The following PPEF1 variants were observed in gnomAD, a reference collection of about 807,000 sequenced individuals.
The protein encoded by PPEF1 is serine/threonine-protein phosphatase with EF-hands 1.
A neutral mutation model predicts 53.3 loss-of-function variants in PPEF1; 12 were observed. That is an observed-to-expected ratio of 0.23 (90% CI 0.14 to 0.36). PPEF1 has a LOEUF of 0.36. Ranked by LOEUF, PPEF1 falls within the 10% of genes least tolerant of loss-of-function variation. The pLI is 1.00. For synonymous variants in PPEF1, 165 were observed against 176.7 expected (o/e 0.93, Z 0.52); for missense variants, 334 against 490.4 (o/e 0.68, Z 3.01).
chrX:18,756,211 G>T (rs369326955), intron 4 of PPEF1, among the ~76,000 whole-genome samples: 2 of 109,553 alleles, frequency 1.8e-5, no homozygotes, highest in African/African-American at 6.7e-5. Context: ...ATAGAGTCTC[G>T]CTCTGTTGCC....
chrX:18,707,686 G>T lies in PPEF1; in HGVS notation c.-95G>T. ...TCTATGACTGAAGAGGATCGGCTAA[G>T]AGTGGTTCCTCGCAGCTTAAAGGGA... is the stretch of plus-strand genomic sequence containing the variant. On this transcript the variant is annotated 5_prime_UTR_variant, in exon 1 of 16. Transcript: ENST00000470157. The T allele has an allele frequency of 1.3e-6, 1 of 794,331 alleles. No individual in the cohort carries two copies. Among genetic ancestry groups the T allele is most frequent in the Non-Finnish European group, 1.9e-6 (1 of 525,171 alleles). 65.5% of individuals were successfully genotyped at this position (794,331 alleles called of 1,213,427 possible). A position where few individuals can be genotyped will look rare whatever the true frequency, so the allele number is the denominator to read the frequency against.
intron 1 of PPEF1, among the ~76,000 whole-genome samples, chrX:18,721,404 T>C (rs2044586634): frequency 8.9e-6 from 1 of 112,054 alleles, no homozygotes; most frequent in African/African-American, 3.2e-5. Context: ...CAGAAGTTTC[T>C]GGTTTGAGTG....
chrX:18,804,720 G>T (rs911279557), intron 11 of PPEF1, among the ~76,000 whole-genome samples: 1 of 112,200 alleles, frequency 8.9e-6, no homozygotes, highest in African/African-American at 3.2e-5. Context: ...CTCACAGAGC[G>T]CATAAAAGGC....
At chrX:18,729,151 C>CATA (rs56246981) in intron 1 of PPEF1, among the ~76,000 whole-genome samples, 53,923 of 110,151 alleles carry the variant, frequency 0.49, 9,944 homozygotes, top group Non-Finnish European at 0.56. Context: ...CTAAACTCTT[C>CATA]CCCTTGTAAC....
chrX:18,718,953 T>C (rs2044519679), intron 1 of PPEF1, among the ~76,000 whole-genome samples: 1 of 112,301 alleles, frequency 8.9e-6, no homozygotes, highest in African/African-American at 3.2e-5. Flanking sequence ...TAACACAGAT[T>C]AGTAATTAAT....
At chrX:18,796,331 A>G (rs1468355874) in intron 10 of PPEF1, among the ~76,000 whole-genome samples, 1 of 112,799 alleles carries the variant, frequency 8.9e-6, no homozygotes, top group Admixed American at 9.4e-5. Flanking sequence ...ACTTTTCTTC[A>G]GGTTTCCTGT....
intron 12 of PPEF1, among the ~76,000 whole-genome samples, chrX:18,809,892 T>A (rs1255350395): frequency 1.8e-5 from 2 of 111,359 alleles, no homozygotes; most frequent in African/African-American, 3.3e-5. Context: ...ATATGTGGAA[T>A]CTAAAAAAGC....
At chrX:18,816,984 C>G (rs749787763) in intron 12 of PPEF1, among the ~76,000 whole-genome samples, 1 of 110,764 alleles carries the variant, frequency 9.0e-6, no homozygotes, top group African/African-American at 3.3e-5. Flanking sequence ...TATCCAGTTT[C>G]ACAATCTCTG....
intron 1 of PPEF1, among the ~76,000 whole-genome samples, chrX:18,684,404 A>G (rs1366623883): frequency 9.0e-6 from 1 of 111,058 alleles, no homozygotes; most frequent in East Asian, 2.8e-4. Context: ...AGGCAGGGTG[A>G]TAAGCAAAAA....
intron 4 of PPEF1, among the ~76,000 whole-genome samples, chrX:18,696,193 C>G (rs769359185): frequency 1.8e-4 from 20 of 110,816 alleles, no homozygotes; most frequent in Non-Finnish European, 2.8e-4. Context: ...TCCTCTGTTG[C>G]CTAGGCTGGA....
chrX:18,811,639 A>G lies in PPEF1; in HGVS notation c.1394+5094A>G, dbSNP rs182914766. ...TATTTTTTTTTTTTTTTTTTTTGAG[A>G]CAGGGTCTCACTTTGTTGCCCAGGC... On this transcript the variant is annotated intron_variant, in intron 12 of 15. Transcript: ENST00000470157. 2.1e-3 allele frequency among the ~76,000 whole-genome samples: 186 copies of G among 88,066 alleles called. 8 individuals carry two copies. In the East Asian group the frequency reaches 0.057, roughly 27 times the overall value. 76.5% of individuals were successfully genotyped at this position (88,066 alleles called of 115,157 possible). A position where few individuals can be genotyped will look rare whatever the true frequency, so the allele number is the denominator to read the frequency against.
chrX:18,820,632 G>C (rs1420039768), intron 13 of PPEF1, among the ~76,000 whole-genome samples: 1 of 110,508 alleles, frequency 9.0e-6, no homozygotes, highest in Admixed American at 9.7e-5. Context: ...TGATCCACCC[G>C]CCTTGGCCTC....
chrX:18,747,205 C>T (rs1040906499), intron 3 of PPEF1, among the ~76,000 whole-genome samples: 2 of 111,213 alleles, frequency 1.8e-5, no homozygotes, highest in African/African-American at 6.5e-5. Flanking sequence ...TGCAAGGTCC[C>T]GGGGTGACAT....
chrX:18,822,997 T>C (rs2047094136), intron 13 of PPEF1, among the ~76,000 whole-genome samples: 1 of 111,327 alleles, frequency 9.0e-6, no homozygotes, highest in African/African-American at 3.3e-5. Context: ...TCAAGATCTA[T>C]TATAAAAGTA....
chrX:18,763,376 C>T (rs898841372), intron 6 of PPEF1, among the ~76,000 whole-genome samples: 4 of 111,379 alleles, frequency 3.6e-5, no homozygotes, highest in Admixed American at 9.5e-5. Context: ...CATGCTTTAA[C>T]GCCCAGGAAA....
Position 18,804,000 on chromosome X carries a change from A to G in PPEF1, c.1174A>G (p.Asn392Asp). Residue 392 changes from asparagine (N) to aspartate (D), a missense_variant, in exon 11 of 16, where the codon AAT becomes GAT. Asn to Asp is a conservative substitution (Grantham distance 23). Coordinates refer to ENST00000470157, the MANE Select transcript of PPEF1 (RefSeq NM_001377996.1). Reference protein sequence around the residue: ...FGPDVTSKILNKYQLKMLIRS... With the variant: ...FGPDVTSKILDKYQLKMLIRS... ...ACCAGATGTTACTTCCAAGATTCTT[A>G]ATAAATACCAGTTGAAGATGCTCAT... The G allele has an allele frequency of 8.3e-7, 1 of 1,204,369 alleles. No individual in the cohort carries two copies. Among genetic ancestry groups the G allele is most frequent in the Non-Finnish European group, 1.1e-6 (1 of 889,041 alleles).
At chrX:18,777,686 AT>A (rs1165072959) in intron 6 of PPEF1, among the ~76,000 whole-genome samples, 66 of 100,326 alleles carry the variant, frequency 6.6e-4, no homozygotes, top group South Asian at 4.5e-3. Flanking sequence ...CGCCCGGAGA[AT>A]TTTTTTTTTT....
At chrX:18,794,473 A>G (rs2046389719) in intron 10 of PPEF1, among the ~76,000 whole-genome samples, 1 of 112,917 alleles carries the variant, frequency 8.9e-6, no homozygotes, top group Non-Finnish European at 1.9e-5. Context: ...AGCTGGGAGC[A>G]GGGACAGTGA....
At chrX:18,779,529 G>A (rs1202191996) in intron 7 of PPEF1, among the ~76,000 whole-genome samples, 3 of 112,020 alleles carry the variant, frequency 2.7e-5, no homozygotes, top group Non-Finnish European at 3.8e-5. Flanking sequence ...GGATGCAGTC[G>A]TTCTGTTGCT....
Sources: gnomAD v4.1 joint callset for allele counts (sites outside exome capture counted in the v4.1 genomes callset) on GRCh38, gnomAD v4.1.1 for gene constraint, MANE v1.5 for transcripts, NCBI Gene and HGNC (gene_info 2026-07-23, HGNC 2026-07-21) for gene names.